The following PCDHA3 variants were observed in gnomAD, a reference collection of about 807,000 sequenced individuals.
PCDHA3 encodes the protein protocadherin alpha 3.
A neutral mutation model predicts 62.2 loss-of-function variants in PCDHA3; 41 were observed. That is an observed-to-expected ratio of 0.66 (90% confidence interval 0.51 to 0.86). The LOEUF (loss-of-function observed/expected upper bound fraction) is 0.86, where lower values mean the gene tolerates loss of function less well. Among genes scored for constraint, PCDHA3 ranks in the 40% least tolerant of loss-of-function variants. PCDHA3 has a pLI of 0.00. For missense variants in PCDHA3, 1,304 were observed against 1,241.2 expected (o/e 1.05, Z -0.76); for synonymous variants, 640 against 555.4 (o/e 1.15, Z -2.14).
chr5:140,836,877 C>A, intron 1 of PCDHA3: 1 of 682,570 alleles, frequency 1.5e-6, no homozygotes, highest in Non-Finnish European at 2.3e-6. Flanking sequence ...GCTGTATTTG[C>A]ACTAATTATT....
chr5:140,882,816 A>C, intron 1 of PCDHA3: 3 of 1,614,266 alleles, frequency 1.9e-6, no homozygotes, highest in Non-Finnish European at 2.5e-6. Flanking sequence ...TTGGACGCAC[A>C]AAACAGTCTT....
chr5:140,857,187 C>T (rs202051639), intron 1 of PCDHA3: 3 of 1,598,516 alleles, frequency 1.9e-6, no homozygotes, highest in Admixed American at 1.7e-5. Context: ...GATTCAGGAG[C>T]CAACGGACAG....
rs782194525 is a variant in PCDHA3 at position 140,927,807 on chromosome 5, C to T, written c.2395-51142C>T. The T allele has an allele frequency of 8.7e-6, 14 of 1,614,088 alleles. No homozygotes were observed. In the African/African-American group the frequency reaches 1.3e-4, roughly 15 times the overall value. Reference sequence around the variant, plus strand: ...CTTCACTAGGTCCGCCTGAAACGCTCTTGGAGGCATACATTGAGGCGAGGG... The same window carrying T: ...CTTCACTAGGTCCGCCTGAAACGCTTTTGGAGGCATACATTGAGGCGAGGG... On this transcript the variant is annotated intron_variant, in intron 1 of 3. Coordinates refer to ENST00000522353, the MANE Select transcript of PCDHA3 (RefSeq NM_018906.3).
intron 2 of PCDHA3, among the ~76,000 whole-genome samples, chr5:140,980,822 T>A (rs1433488208): frequency 6.6e-6 from 1 of 152,204 alleles, no homozygotes; most frequent in Non-Finnish European, 1.5e-5. Flanking sequence ...ACATATTAAA[T>A]GAGTTGTGAA....
intron 1 of PCDHA3, among the ~76,000 whole-genome samples, chr5:140,921,352 T>C (rs889434892): frequency 6.6e-6 from 1 of 152,190 alleles, no homozygotes; most frequent in Non-Finnish European, 1.5e-5. Context: ...TATATTTGCC[T>C]ATATTCAAGT....
chr5:140,822,923 A>G (rs2150120429), intron 1 of PCDHA3: 3 of 1,614,152 alleles, frequency 1.9e-6, no homozygotes, highest in South Asian at 2.2e-5. Context: ...GCCAACGGGC[A>G]GGTGACCTGC....
intron 1 of PCDHA3, chr5:140,871,124 C>T (rs782035990): frequency 1.9e-6 from 3 of 1,613,326 alleles, no homozygotes; most frequent in Non-Finnish European, 8.5e-7. Context: ...AGCGGACAGG[C>T]GCCAAAGGCC....
chr5:140,879,051 T>A (rs1446827922), intron 1 of PCDHA3, among the ~76,000 whole-genome samples: 1 of 152,166 alleles, frequency 6.6e-6, no homozygotes, highest in Non-Finnish European at 1.5e-5. Flanking sequence ...ATAGACAACA[T>A]TTTACCAAGA....
At chr5:140,899,175 C>G (rs1219166721) in intron 1 of PCDHA3, among the ~76,000 whole-genome samples, 2 of 152,034 alleles carry the variant, frequency 1.3e-5, no homozygotes, top group African/African-American at 4.8e-5. Flanking sequence ...AATTGAATAC[C>G]CTTTATTTCC....
At chr5:140,838,084 G>A (rs1419465245) in intron 1 of PCDHA3, among the ~76,000 whole-genome samples, 2 of 31,492 alleles carry the variant, frequency 6.4e-5, no homozygotes, top group East Asian at 1.1e-3. Context: ...TATAGTGTGT[G>A]TGTGTGTGTG....
At chr5:140,898,870 C>T (rs1477095887) in intron 1 of PCDHA3, among the ~76,000 whole-genome samples, 3 of 151,586 alleles carry the variant, frequency 2.0e-5, no homozygotes, top group South Asian at 4.2e-4. Context: ...TTTCATTGAG[C>T]AGTGGTTTGT....
At chr5:140,863,326 G>A (rs782427157) in intron 1 of PCDHA3, 10 of 1,432,588 alleles carry the variant, frequency 7.0e-6, no homozygotes, top group Non-Finnish European at 9.5e-6. Flanking sequence ...CAGCCTGTTA[G>A]TGCTCACGTT....
intron 1 of PCDHA3, chr5:140,849,562 C>G (rs1188964395): frequency 6.3e-7 from 1 of 1,598,438 alleles, no homozygotes; most frequent in Non-Finnish European, 8.6e-7. Context: ...AAAACGCTCT[C>G]GGTTCCTGTA....
intron 1 of PCDHA3, among the ~76,000 whole-genome samples, chr5:140,939,008 T>C (rs1348323675): frequency 6.6e-6 from 1 of 152,234 alleles, no homozygotes; most frequent in Non-Finnish European, 1.5e-5. Context: ...TTAAGAAGTG[T>C]TACTTTTCTT....
In PCDHA3 at chr5:140,801,821, T is replaced by A. The variant is rs1562181721; in HGVS notation, c.624T>A (p.His208Gln). 6.2e-7 allele frequency: 1 copy of A among 1,613,988 alleles called. No homozygotes were observed. The highest frequency in any genetic ancestry group is 8.5e-7 in the Non-Finnish European group (1 of 1,180,040). The change falls in exon 1 of 4, where the codon CAT (histidine) becomes CAA (glutamine). Residue 208 changes from histidine to glutamine, a missense_variant. By Grantham distance (24) the His-to-Gln change is conservative. Coordinates refer to ENST00000522353, the MANE Select transcript of PCDHA3 (RefSeq NM_018906.3). ...TAAATCGAGAGGACACTCCTAAGCA[T>A]TATTTACTAATAACAGCAATTGATG... ...KNLNREDTPKHYLLITAIDGG... is the reference protein window; with the variant it reads ...KNLNREDTPKQYLLITAIDGG...
intron 1 of PCDHA3, chr5:140,823,264 C>G (rs1052475502): frequency 3.1e-5 from 50 of 1,612,792 alleles, no homozygotes; most frequent in Non-Finnish European, 4.2e-5. Flanking sequence ...GGTGGAGCGG[C>G]GGGTGGGCGA....
At position 140,848,597 on chromosome 5, in the gene PCDHA3, C is replaced by T. The variant is rs151001396; in HGVS notation, c.2394+45006C>T. ...TGGGGAGCGGCCAGCTCCACTACTC[C>T]GTCCCGGAGGAAGCCGAACACGGCA... is the stretch of plus-strand genomic sequence containing the variant. On this transcript the variant is annotated intron_variant, in intron 1 of 3. Coordinates refer to ENST00000522353, the MANE Select transcript of PCDHA3 (RefSeq NM_018906.3). The T allele has an allele frequency of 5.0e-6, 8 of 1,591,350 alleles. 1 individual carries two copies. The African/African-American group carries it at 6.7e-5, about 13-fold the overall frequency.
chr5:140,828,689 T>C (rs1769888255), intron 1 of PCDHA3: 3 of 1,614,072 alleles, frequency 1.9e-6, no homozygotes, highest in African/African-American at 1.3e-5. Flanking sequence ...AAAGAAATCC[T>C]TGGACAGAGA....
At chr5:140,884,391 C>G in intron 1 of PCDHA3, 1 of 1,613,982 alleles carries the variant, frequency 6.2e-7, no homozygotes, top group Non-Finnish European at 8.5e-7. Flanking sequence ...TGCGCGGTGT[C>G]CAGCCTGTTG....
Sources: gnomAD v4.1 joint callset for allele counts (sites outside exome capture counted in the v4.1 genomes callset) on GRCh38, gnomAD v4.1.1 for gene constraint, MANE v1.5 for transcripts, NCBI Gene and HGNC (gene_info 2026-07-23, HGNC 2026-07-21) for gene names.